Variants in SPNS2 observed in about 807,000 individuals in gnomAD.
SPNS2 encodes sphingosine-1-phosphate transporter SPNS2.
SPNS2 carries 37 observed loss-of-function variants against 57.6 expected under a neutral mutation model. That is an observed-to-expected ratio of 0.64 (90% CI 0.49 to 0.85). The LOEUF is 0.85. Among genes scored for constraint, SPNS2 ranks in the 40% least tolerant of loss-of-function variants. The pLI, the probability that SPNS2 is intolerant of heterozygous loss-of-function variation, is 0.00. For missense variants in SPNS2, 831 were observed against 779.1 expected, an observed-to-expected ratio of 1.07 and a Z score of -0.79; for synonymous variants, 440 against 346.9, an observed-to-expected ratio of 1.27 and a Z score of -2.98.
At chr17:4,527,414 A>G (rs531983764) in intron 3 of SPNS2, among the ~76,000 whole-genome samples, 2 of 152,362 alleles carry the variant, frequency 1.3e-5, no homozygotes, top group African/African-American at 4.8e-5. Flanking sequence ...TGGTTTGGGA[A>G]GAACTATCTA....
In SPNS2 at chr17:4,538,638, G is replaced by A. The variant is rs529719775; in HGVS notation, c.*1190G>A. 27 of 499,108 alleles carry A rather than the reference G, an allele frequency of 5.4e-5. No homozygotes were observed. In the East Asian group the frequency reaches 8.9e-4, roughly 16 times the overall value. The allele number at this position is 499,108 out of a possible 1,614,324, so 30.9% of individuals were successfully genotyped here. ...GGTGGTTCTGGTGCGGGGGTGGGGT[G>A]GGGGGTGAGGCCTTGTGGCCAATGG... On this transcript the variant is annotated 3_prime_UTR_variant, in exon 13 of 13. Transcript: ENST00000329078.
rs1415800706 is a variant in SPNS2 at position 4,499,330 on chromosome 17, G to T, written c.283G>T (p.Ala95Ser). ...CCCCGGCGCTCAGCAGCCCAAACCG[G>T]CCAGCTTGGGCCGCGGGCGGGGGGC... ...KGPGAQQPKP[A>S]SLGRGRGAAA... Residue 95 changes from alanine to serine, a missense_variant, in exon 1 of 13, where the codon GCC becomes TCC. By Grantham distance (99) the Ala-to-Ser change is moderately conservative (BLOSUM62 1). Transcript: ENST00000329078. This position sits in a 1 kb window ranked among gnomAD's most constrained non-coding sequence, Gnocchi z 5.2. 2.7e-6 allele frequency: 4 copies of T among 1,476,264 alleles called. No individual in the cohort carries two copies. In the Admixed American group the frequency reaches 9.4e-5, roughly 35 times the overall value. 91.4% of individuals were successfully genotyped at this position (1,476,264 alleles called of 1,614,324 possible). A position where few individuals can be genotyped will look rare whatever the true frequency, so the allele number is the denominator to read the frequency against.
chr17:4,509,940 G>A (rs1034652245), intron 1 of SPNS2, among the ~76,000 whole-genome samples: 20 of 152,232 alleles, frequency 1.3e-4, no homozygotes, highest in African/African-American at 4.8e-4. Context: ...TGGGCGTGAG[G>A]CCCATCCTGT....
Position 4,513,074 on chromosome 17 carries a change from G to A in SPNS2, c.371-173G>A, listed in dbSNP as rs775906957. Among the ~76,000 whole-genome samples, 5 of 152,232 alleles carry A rather than the reference G, an allele frequency of 3.3e-5. No individual in the cohort carries two copies. The South Asian group carries it at 8.3e-4, about 25-fold the overall frequency. On this transcript the variant is annotated intron_variant, in intron 1 of 12. Transcript: ENST00000329078. Reference sequence around the variant, plus strand: ...AACAGGCTGAGGACAGGAGGTCCCCGGGGAGGCAGGAGGGAAGCCTGGGAA... The same window carrying A: ...AACAGGCTGAGGACAGGAGGTCCCCAGGGAGGCAGGAGGGAAGCCTGGGAA...
intron 12 of SPNS2, 46 bp from the exon 13 acceptor site, chr17:4,537,407 C>T: frequency 4.8e-6 from 2 of 418,150 alleles, no homozygotes; most frequent in Non-Finnish European, 9.7e-6. Context: ...AGCCTTGGCA[C>T]AGGCCCCACT....
intron 2 of SPNS2, 134 bp downstream of exon 2, chr17:4,513,446 C>A: frequency 1.1e-6 from 1 of 895,498 alleles, no homozygotes; most frequent in East Asian, 2.6e-5. Flanking sequence ...CTTTGCATCC[C>A]AGTCTCACTA....
intron 7 of SPNS2, 37 bp from the exon 8 acceptor site, chr17:4,533,206 G>T: frequency 6.3e-7 from 1 of 1,580,782 alleles, no homozygotes. Context: ...GCCCTGAGCC[G>T]CCTCAACTCG....
rs146210718 is a variant in SPNS2 at position 4,536,433 on chromosome 17, G to GGGGGGGA, written c.1607+12_1607+18dup. On this transcript the variant is annotated splice_region_variant and intron_variant, in intron 11 of 12. Coordinates refer to ENST00000329078, the MANE Select transcript of SPNS2 (RefSeq NM_001124758.3). Reference sequence around the variant, plus strand: ...GCGCCAGGGCTGAGCAGCAGTGAGTGGGGGGGAGGGGAGGCCCTGCTGCAC... The same window carrying GGGGGGGA: ...GCGCCAGGGCTGAGCAGCAGTGAGTGGGGGGGAGGGGGGAGGGGAGGCCCTGCTGCAC... 1 of 1,500,268 alleles carries GGGGGGGA rather than the reference G, an allele frequency of 6.7e-7. No homozygotes were observed. The highest frequency in any genetic ancestry group is 8.9e-7 in the Non-Finnish European group (1 of 1,119,270). 92.9% of individuals were successfully genotyped at this position (1,500,268 alleles called of 1,614,324 possible).
At chr17:4,500,793 C>A (rs1337882690) in intron 1 of SPNS2, among the ~76,000 whole-genome samples, 1 of 152,032 alleles carries the variant, frequency 6.6e-6, no homozygotes, top group Non-Finnish European at 1.5e-5. Flanking sequence ...AGGGCAGAGG[C>A]TTCCCCCTCC....
chr17:4,515,856 G>T (rs572002555), intron 2 of SPNS2, among the ~76,000 whole-genome samples: 57 of 152,324 alleles, frequency 3.7e-4, no homozygotes, highest in Non-Finnish European at 2.8e-4. Flanking sequence ...TTAGGCCTGG[G>T]CTTGCCCCTG....
intron 8 of SPNS2, 62 bp downstream of exon 8, chr17:4,533,494 A>G (rs902926494): frequency 6.7e-7 from 1 of 1,494,146 alleles, no homozygotes; most frequent in Admixed American, 2.0e-5. Context: ...GAGGGTCTGG[A>G]ACAGGACATT....
intron 3 of SPNS2, among the ~76,000 whole-genome samples, chr17:4,527,618 C>A (rs1230524084): frequency 6.6e-6 from 1 of 152,120 alleles, no homozygotes; most frequent in Non-Finnish European, 1.5e-5. Flanking sequence ...GACACCCAAA[C>A]GGCCAATACG....
chr17:4,534,012 G>C (rs945994433), intron 9 of SPNS2, among the ~76,000 whole-genome samples, 159 bp downstream of exon 9: 1 of 152,190 alleles, frequency 6.6e-6, no homozygotes, highest in Non-Finnish European at 1.5e-5. Flanking sequence ...CAGAGAGTTT[G>C]GGGTCTGCCT....
In SPNS2 at chr17:4,532,648, C is replaced by A. The variant is rs1905544711; in HGVS notation, c.899C>A (p.Thr300Asn). The change falls in exon 6 of 13, where the codon ACC (threonine) becomes AAC (asparagine). Residue 300 changes from threonine to asparagine, a missense_variant. Transcript: ENST00000329078. Reference protein sequence around the residue: ...DQLGDQLKARTSWLRDMKALI... With the variant: ...DQLGDQLKARNSWLRDMKALI... ...CTCGGGGACCAGCTCAAGGCCCGGACCTCATGGCTCCGAGATATGAAGGCC... is the reference window on the plus strand; with the variant it reads ...CTCGGGGACCAGCTCAAGGCCCGGAACTCATGGCTCCGAGATATGAAGGCC... 1 of 1,613,904 alleles carries A rather than the reference C, an allele frequency of 6.2e-7. No individual in the cohort carries two copies. The highest frequency in any genetic ancestry group is 8.5e-7 in the Non-Finnish European group (1 of 1,180,006).
chr17:4,535,852 GGGA>G (rs143171433), intron 9 of SPNS2, among the ~76,000 whole-genome samples: 3,538 of 151,776 alleles, frequency 0.023, 106 homozygotes, highest in African/African-American at 0.062. Flanking sequence ...GAGGGGCTCA[GGGA>G]GGAGAAGGGT....
rs947845913 is a variant in SPNS2, at chr17:4,532,419, A to T, written c.793-123A>T. 189 of 1,421,520 alleles carry T rather than the reference A, an allele frequency of 1.3e-4. No homozygotes were observed. In the African/African-American group the frequency reaches 2.5e-3, roughly 19 times the overall value. The allele number at this position is 1,421,520 out of a possible 1,614,324, so 88.1% of individuals were successfully genotyped here. On this transcript the variant is annotated intron_variant, in intron 5 of 12. Coordinates refer to ENST00000329078, the MANE Select transcript of SPNS2 (RefSeq NM_001124758.3). ...AGCAGCCCAATTAGGAAGGCTGGGC[A>T]GATACCTGCTCAGAGGAGAAGCCTA...
rs1266989662 is a variant in SPNS2, at chr17:4,516,340, AAAAC to A, written c.436+3032_436+3035del. Among the ~76,000 whole-genome samples the A allele has an allele frequency of 1.1e-4, 7 of 64,242 alleles. 1 individual carries two copies. The highest frequency in any genetic ancestry group is 7.0e-3 in the Middle Eastern group (1 of 142). The allele number at this position is 64,242 out of a possible 152,430, so 42.1% of individuals were successfully genotyped here. A position where few individuals can be genotyped will look rare whatever the true frequency, so the allele number is the denominator to read the frequency against. On this transcript the variant is annotated intron_variant, in intron 2 of 12. Transcript: ENST00000329078. ...CCAAAAAAAAAAAAAAAAAAAAAAAAAAACAAAAAAACCGCTCATAGGTTTTGCT... is the reference window on the plus strand; with the variant it reads ...CCAAAAAAAAAAAAAAAAAAAAAAAAAAAAAAACCGCTCATAGGTTTTGCT...
intron 3 of SPNS2, 103 bp downstream of exon 3, chr17:4,525,296 T>A (rs1306019979): frequency 6.8e-7 from 1 of 1,478,788 alleles, no homozygotes; most frequent in Non-Finnish European, 9.1e-7. Flanking sequence ...GGCTTCCAGC[T>A]CCTTTGCTTG....
rs1906017813 is a variant in SPNS2 at position 4,538,639 on chromosome 17, G to A, written c.*1191G>A. The A allele has an allele frequency of 2.0e-6, 1 of 503,078 alleles. No homozygotes were observed. Among genetic ancestry groups the A allele is most frequent in the Non-Finnish European group, 3.6e-6 (1 of 281,326 alleles). 31.2% of individuals were successfully genotyped at this position (503,078 alleles called of 1,614,324 possible). A position where few individuals can be genotyped will look rare whatever the true frequency, so the allele number is the denominator to read the frequency against. Reference sequence around the variant, plus strand: ...GTGGTTCTGGTGCGGGGGTGGGGTGGGGGGTGAGGCCTTGTGGCCAATGGG... The same window carrying A: ...GTGGTTCTGGTGCGGGGGTGGGGTGAGGGGTGAGGCCTTGTGGCCAATGGG... On this transcript the variant is annotated 3_prime_UTR_variant, in exon 13 of 13. Transcript: ENST00000329078.
Sources: allele counts gnomAD v4.1 joint callset (sites outside exome capture counted in the v4.1 genomes callset), GRCh38; gene constraint gnomAD v4.1.1; non-coding constraint Gnocchi (gnomAD v3.1); transcripts MANE v1.5; gene names NCBI Gene and HGNC (gene_info 2026-07-23, HGNC 2026-07-21).